Variants in SGCZ observed in about 807,000 individuals in gnomAD.
SGCZ encodes zeta-sarcoglycan.
In SGCZ, 40 loss-of-function variants were observed where a neutral mutation model predicts 41.3. The ratio of observed to expected loss-of-function variants is 0.97; its 90% CI spans 0.75 to 1.26. The LOEUF (loss-of-function observed/expected upper bound fraction) is 1.26. Ranked by LOEUF, SGCZ falls within the 50% of genes most tolerant of loss-of-function variation. The probability of loss-of-function intolerance (pLI) is 0.00; values close to 1 mark genes in which losing one functional copy is unlikely to be tolerated. For synonymous variants in SGCZ, 206 were observed against 137.5 expected (o/e 1.50, Z -3.49); for missense variants, 552 against 369.8 (o/e 1.49, Z -4.04).
chr8:14,994,899 G>A (rs964077975), intron 1 of SGCZ, among the ~76,000 whole-genome samples: 1 of 152,164 alleles, frequency 6.6e-6, no homozygotes, highest in Non-Finnish European at 1.5e-5. Flanking sequence ...AAAACTGTCT[G>A]CCAACAAATT....
At chr8:14,639,038 CTTT>C (rs148778266) in intron 1 of SGCZ, among the ~76,000 whole-genome samples, 16,275 of 137,612 alleles carry the variant, frequency 0.12, 996 homozygotes, top group African/African-American at 0.2. Flanking sequence ...AAACTGGAAT[CTTT>C]TTTTTTTTTT....
At chr8:15,117,224 T>G (rs1292272194) in intron 1 of SGCZ, among the ~76,000 whole-genome samples, 1 of 151,996 alleles carries the variant, frequency 6.6e-6, no homozygotes, top group Non-Finnish European at 1.5e-5. Context: ...CTGGGCGCGG[T>G]AGCAGGCGCC....
intron 1 of SGCZ, among the ~76,000 whole-genome samples, chr8:15,118,423 G>T (rs993314933): frequency 6.6e-6 from 1 of 152,034 alleles, no homozygotes. Context: ...AAATGCAGTG[G>T]GGACACTAGG....
At chr8:14,422,159 T>C (rs1799654010) in intron 2 of SGCZ, among the ~76,000 whole-genome samples, 1 of 152,122 alleles carries the variant, frequency 6.6e-6, no homozygotes, top group Admixed American at 6.6e-5. Context: ...TCTAAAAATC[T>C]CTCATGAAAA....
chr8:14,662,130 A>G lies in SGCZ; in HGVS notation c.40-107204T>C, dbSNP rs1243975201. 3.6e-5 allele frequency among the ~76,000 whole-genome samples: 5 copies of G among 138,414 alleles called. No individual in the cohort carries two copies. The East Asian group carries it at 8.2e-4, about 23-fold the overall frequency. 90.8% of individuals were successfully genotyped at this position (138,414 alleles called of 152,430 possible). A position where few individuals can be genotyped will look rare whatever the true frequency, so the allele number is the denominator to read the frequency against. ...TACTGAAGAAATTCAAAATCCAGTC[A>G]CTGTAATACTACTCTCTCCCCTTCT... On this transcript the variant is annotated intron_variant, in intron 1 of 7. Transcript: ENST00000382080.
intron 1 of SGCZ, among the ~76,000 whole-genome samples, chr8:14,763,868 T>A (rs778389174): frequency 3.9e-5 from 6 of 152,140 alleles, no homozygotes; most frequent in Non-Finnish European, 8.8e-5. Context: ...GAACTATGAG[T>A]TTCTCTATGG....
At chr8:14,323,860 A>G (rs921016119) in intron 3 of SGCZ, among the ~76,000 whole-genome samples, 12 of 152,092 alleles carry the variant, frequency 7.9e-5, no homozygotes, top group Non-Finnish European at 1.6e-4. Context: ...AGAGAGGCAC[A>G]TTTTATAGAG....
At chr8:14,469,258 T>C (rs1275655575) in intron 2 of SGCZ, among the ~76,000 whole-genome samples, 1 of 152,124 alleles carries the variant, frequency 6.6e-6, no homozygotes, top group Non-Finnish European at 1.5e-5. Context: ...ATTGACATGT[T>C]GGGCTGGATA....
At chr8:15,101,107 G>A (rs908847965) in intron 1 of SGCZ, among the ~76,000 whole-genome samples, 3 of 152,018 alleles carry the variant, frequency 2.0e-5, no homozygotes, top group African/African-American at 7.2e-5. Context: ...ATATTAACTC[G>A]AATCGTAGAC....
intron 2 of SGCZ, among the ~76,000 whole-genome samples, chr8:14,403,655 CA>C (rs1424034646): frequency 6.6e-6 from 1 of 152,038 alleles, no homozygotes. Context: ...TAGTGTTCAT[CA>C]AAAAACTTAT....
At chr8:14,811,494 A>G (rs1177317650) in intron 1 of SGCZ, among the ~76,000 whole-genome samples, 1 of 145,532 alleles carries the variant, frequency 6.9e-6, no homozygotes, top group Non-Finnish European at 1.5e-5. Context: ...CCTACCATGA[A>G]ACATTCGCTG....
At chr8:14,970,405 C>A (rs1334301919) in intron 1 of SGCZ, among the ~76,000 whole-genome samples, 5 of 152,078 alleles carry the variant, frequency 3.3e-5, no homozygotes, top group Admixed American at 6.5e-5. Context: ...CTAACTAAGG[C>A]ACAGAAGTTT....
At chr8:15,016,293 C>T (rs759966141) in intron 1 of SGCZ, among the ~76,000 whole-genome samples, 1 of 152,170 alleles carries the variant, frequency 6.6e-6, no homozygotes, top group Non-Finnish European at 1.5e-5. Context: ...TGCTTTGATA[C>T]TCAGAGCAGA....
chr8:15,156,285 G>C (rs1342268113), intron 1 of SGCZ, among the ~76,000 whole-genome samples: 1 of 152,086 alleles, frequency 6.6e-6, no homozygotes, highest in East Asian at 1.9e-4. Context: ...GCTTTAGATT[G>C]TCACTAGGCA....
intron 1 of SGCZ, among the ~76,000 whole-genome samples, chr8:14,827,354 A>C (rs1271358461): frequency 6.7e-6 from 1 of 150,352 alleles, no homozygotes; most frequent in Non-Finnish European, 1.5e-5. Context: ...CTTCTGCCTC[A>C]GCCTCCCAAG....
At chr8:14,743,508 T>A (rs1214996238) in intron 1 of SGCZ, among the ~76,000 whole-genome samples, 1 of 152,080 alleles carries the variant, frequency 6.6e-6, no homozygotes, top group Non-Finnish European at 1.5e-5. Flanking sequence ...AAATATGAAG[T>A]AAATTTTTGT....
At chr8:15,045,872 G>C (rs1053054358) in intron 1 of SGCZ, among the ~76,000 whole-genome samples, 1 of 151,876 alleles carries the variant, frequency 6.6e-6, no homozygotes, top group African/African-American at 2.4e-5. Context: ...GGAAGAAAAG[G>C]ACCAAGAATA....
intron 4 of SGCZ, among the ~76,000 whole-genome samples, chr8:14,232,527 G>A (rs907690651): frequency 5.9e-5 from 9 of 151,958 alleles, no homozygotes; most frequent in African/African-American, 1.7e-4. Context: ...AGGAAAAACA[G>A]AAAATGAGAA....
chr8:14,307,041 GA>G (rs1319772267), intron 3 of SGCZ, among the ~76,000 whole-genome samples: 1 of 152,090 alleles, frequency 6.6e-6, no homozygotes, highest in African/African-American at 2.4e-5. Flanking sequence ...TGCATTTCAA[GA>G]AATGGGAAAG....
Sources: allele counts gnomAD v4.1 joint callset (sites outside exome capture counted in the v4.1 genomes callset), GRCh38; gene constraint gnomAD v4.1.1; transcripts MANE v1.5; gene names NCBI Gene and HGNC (gene_info 2026-07-23, HGNC 2026-07-21).